CNTN5: variants seen among roughly 807,000 people sequenced by gnomAD.
CNTN5 encodes the protein contactin-5.
CNTN5 carries 77 observed loss-of-function variants against 129.1 expected under a neutral mutation model. The ratio of observed to expected loss-of-function variants is 0.60; its 90% CI spans 0.50 to 0.72. The LOEUF is 0.72. Among genes scored for constraint, CNTN5 ranks in the 30% least tolerant of loss-of-function variants. The probability of loss-of-function intolerance (pLI) is 0.00; values close to 1 mark genes in which losing one functional copy is unlikely to be tolerated. For synonymous variants in CNTN5, 509 were observed against 465.6 expected, an observed-to-expected ratio of 1.09 and a Z score of -1.20; for missense variants, 1,478 against 1,328.8, an observed-to-expected ratio of 1.11 and a Z score of -1.75.
intron 3 of CNTN5, among the ~76,000 whole-genome samples, chr11:99,715,202 G>C (rs1955168104): frequency 6.6e-6 from 1 of 151,986 alleles, no homozygotes; most frequent in Admixed American, 6.6e-5. Flanking sequence ...GAATAAAAGA[G>C]AGTGAAATAG....
intron 3 of CNTN5, among the ~76,000 whole-genome samples, chr11:99,619,653 G>A (rs533403295): frequency 1.3e-5 from 2 of 152,204 alleles, no homozygotes; most frequent in African/African-American, 2.4e-5. Flanking sequence ...TCGAGGCCTA[G>A]TAAATAAGTT....
rs113834986 is a variant in CNTN5, at chr11:99,196,812, T to G, written c.-209-128534T>G. On this transcript the variant is annotated intron_variant, in intron 1 of 24. Transcript: ENST00000524871. The stretch of plus-strand genomic sequence containing the variant: ...ATTTTAAAACTTGTTTAACTTAATA[T>G]GAAGATTAAATTATAAACATAGCCT... Among the ~76,000 whole-genome samples, 11 of 152,082 alleles carry G rather than the reference T, an allele frequency of 7.2e-5. 1 individual carries two copies. Among genetic ancestry groups the G allele is most frequent in the African/African-American group, 2.2e-4 (9 of 41,546 alleles).
chr11:99,923,604 C>T (rs745406403), intron 7 of CNTN5, among the ~76,000 whole-genome samples: 19 of 152,098 alleles, frequency 1.2e-4, no homozygotes, highest in Non-Finnish European at 2.8e-4. Context: ...AATGGGATTG[C>T]TAGGTTGAAT....
intron 20 of CNTN5, among the ~76,000 whole-genome samples, chr11:100,300,247 C>G (rs1951188597): frequency 6.6e-6 from 1 of 151,410 alleles, no homozygotes. Context: ...TATAAAAATG[C>G]AATTTTCTGG....
chr11:100,353,271 A>C (rs933585667), intron 24 of CNTN5, among the ~76,000 whole-genome samples: 4 of 151,594 alleles, frequency 2.6e-5, no homozygotes, highest in African/African-American at 9.7e-5. Context: ...TAGACTCAGA[A>C]CCTGAGTCAT....
In CNTN5 at chr11:99,810,153, A is replaced by G. The variant is rs7925829; in HGVS notation, c.56-9391A>G. ...CTGTTAGAATCTCCTTTTTGGCAAT[A>G]AAAGTCTATAATACCCAGTTTAATT... On this transcript the variant is annotated intron_variant, in intron 3 of 24. Transcript: ENST00000524871. Among the ~76,000 whole-genome samples, 1,628 of 152,238 alleles carry G rather than the reference A, an allele frequency of 0.011. 64 individuals carry two copies. In the East Asian group the frequency reaches 0.12, roughly 11 times the overall value.
At chr11:100,041,978 A>G (rs568515893) in intron 9 of CNTN5, among the ~76,000 whole-genome samples, 1 of 152,290 alleles carries the variant, frequency 6.6e-6, no homozygotes, top group South Asian at 2.1e-4. Context: ...CTTATATTCA[A>G]GTTAGATGCA....
At chr11:99,362,678 C>T (rs1939192858) in intron 2 of CNTN5, among the ~76,000 whole-genome samples, 1 of 151,036 alleles carries the variant, frequency 6.6e-6, no homozygotes, top group Non-Finnish European at 1.5e-5. Flanking sequence ...GTATTTAATA[C>T]ATTTTTAGTT....
chr11:100,048,043 A>G (rs1402543288), intron 9 of CNTN5, among the ~76,000 whole-genome samples: 1 of 152,112 alleles, frequency 6.6e-6, no homozygotes, highest in Non-Finnish European at 1.5e-5. Context: ...AGGCAGGAGA[A>G]TGGCATGAAT....
chr11:99,303,815 A>G (rs1864750673), intron 1 of CNTN5, among the ~76,000 whole-genome samples: 1 of 152,124 alleles, frequency 6.6e-6, no homozygotes, highest in African/African-American at 2.4e-5. Context: ...GGCTGTCAGT[A>G]CTTATGTTGA....
intron 9 of CNTN5, among the ~76,000 whole-genome samples, chr11:100,045,744 T>C (rs890572665): frequency 2.7e-5 from 4 of 149,932 alleles, no homozygotes; most frequent in African/African-American, 9.8e-5. Flanking sequence ...AGAGTTCTGC[T>C]AGAAATCTAC....
At chr11:99,864,676 A>G (rs1451539195) in intron 6 of CNTN5, among the ~76,000 whole-genome samples, 1 of 152,114 alleles carries the variant, frequency 6.6e-6, no homozygotes, top group Non-Finnish European at 1.5e-5. Context: ...TAAGTAATTC[A>G]TTTTAAAAAT....
chr11:99,911,308 G>T (rs941549967), intron 6 of CNTN5, among the ~76,000 whole-genome samples: 3 of 151,896 alleles, frequency 2.0e-5, no homozygotes, highest in African/African-American at 7.3e-5. Flanking sequence ...CCACCTACAG[G>T]ATAAATGTAT....
At chr11:100,119,902 T>C (rs1182059930) in intron 13 of CNTN5, among the ~76,000 whole-genome samples, 1 of 151,974 alleles carries the variant, frequency 6.6e-6, no homozygotes, top group African/African-American at 2.4e-5. Flanking sequence ...GTTCTGCACA[T>C]TGGTGTCAGT....
chr11:100,065,208 C>G (rs944592687), intron 10 of CNTN5, among the ~76,000 whole-genome samples: 5 of 152,070 alleles, frequency 3.3e-5, no homozygotes, highest in African/African-American at 1.2e-4. Flanking sequence ...CTTCATAAAA[C>G]CTCTGGACAG....
chr11:100,347,062 AAC>A (rs1565443517), intron 23 of CNTN5, among the ~76,000 whole-genome samples: 1 of 152,128 alleles, frequency 6.6e-6, no homozygotes, highest in African/African-American at 2.4e-5. Flanking sequence ...TCCCTCCCAT[AAC>A]ATGTGGGCAT....
chr11:99,737,439 A>G (rs1242120036), intron 3 of CNTN5, among the ~76,000 whole-genome samples: 1 of 152,220 alleles, frequency 6.6e-6, no homozygotes, highest in Non-Finnish European at 1.5e-5. Flanking sequence ...TAAGAAGATT[A>G]GAACTACATT....
At chr11:99,426,698 C>T (rs1047589345) in intron 2 of CNTN5, among the ~76,000 whole-genome samples, 13 of 152,224 alleles carry the variant, frequency 8.5e-5, no homozygotes, top group African/African-American at 1.9e-4. Context: ...CAGTCTCCTG[C>T]GTCCACGTCT....
chr11:100,146,129 A>G (rs1946844785), intron 13 of CNTN5, among the ~76,000 whole-genome samples: 1 of 152,188 alleles, frequency 6.6e-6, no homozygotes, highest in Admixed American at 6.5e-5. Context: ...CCTGCAAAGC[A>G]GATTTTGTGT....
Sources: gnomAD v4.1 joint callset for allele counts (sites outside exome capture counted in the v4.1 genomes callset) on GRCh38, gnomAD v4.1.1 for gene constraint, MANE v1.5 for transcripts, NCBI Gene and HGNC (gene_info 2026-07-23, HGNC 2026-07-21) for gene names.